SPOCK3: variants seen among roughly 807,000 people sequenced by gnomAD.
SPOCK3 encodes the protein SPARC (osteonectin), cwcv and kazal like domains proteoglycan 3, also known as testican-3.
In SPOCK3, 30 loss-of-function variants were observed where a neutral mutation model predicts 56.6. That is an observed-to-expected ratio of 0.53 (90% CI 0.40 to 0.72). SPOCK3 has a LOEUF of 0.72. SPOCK3 is among the 30% of genes least tolerant of loss of function. SPOCK3 has a pLI of 0.00. For missense variants in SPOCK3, 527 were observed against 530.0 expected (o/e 0.99, Z 0.06); for synonymous variants, 196 against 183.3 (o/e 1.07, Z -0.56).
intron 2 of SPOCK3, among the ~76,000 whole-genome samples, chr4:167,209,740 G>C (rs1734682940): frequency 6.6e-6 from 1 of 151,964 alleles, no homozygotes; most frequent in Admixed American, 6.6e-5. Context: ...TAGCAAATTG[G>C]GGACACTCAG....
chr4:166,993,286 C>CA (rs1747998328), intron 4 of SPOCK3, among the ~76,000 whole-genome samples: 2 of 151,774 alleles, frequency 1.3e-5, no homozygotes, highest in African/African-American at 4.8e-5. Context: ...TATGCTCACT[C>CA]AAAAAAAATT....
At chr4:167,085,941 T>C (rs1758157691) in intron 2 of SPOCK3, among the ~76,000 whole-genome samples, 1 of 152,194 alleles carries the variant, frequency 6.6e-6, no homozygotes, top group Admixed American at 6.6e-5. Context: ...ATTGTTGGGA[T>C]AAACTACCCA....
chr4:167,139,569 T>C (rs1471783909), intron 2 of SPOCK3, among the ~76,000 whole-genome samples: 2 of 152,068 alleles, frequency 1.3e-5, no homozygotes, highest in African/African-American at 2.4e-5. Context: ...TTTCAATATA[T>C]AAAAGTGCTT....
chr4:167,199,457 A>G (rs1320143500), intron 2 of SPOCK3, among the ~76,000 whole-genome samples: 1 of 152,000 alleles, frequency 6.6e-6, no homozygotes, highest in Non-Finnish European at 1.5e-5. Context: ...GTGCAAGAAC[A>G]AAGACTGGCC....
chr4:167,060,046 ATGCTAAATGACGAGTTAATGGG>A (rs1270685377), intron 3 of SPOCK3, among the ~76,000 whole-genome samples: 1 of 152,012 alleles, frequency 6.6e-6, no homozygotes, highest in African/African-American at 2.4e-5. Flanking sequence ...GATATACCTA[ATGCTAAATGACGAGTTAATGGG>A]TGCAGCACAC....
chr4:166,973,594 T>C (rs911904570), intron 4 of SPOCK3, among the ~76,000 whole-genome samples: 1 of 152,218 alleles, frequency 6.6e-6, no homozygotes, highest in East Asian at 1.9e-4. Flanking sequence ...ATATAATTAG[T>C]ATGAAATATA....
intron 5 of SPOCK3, among the ~76,000 whole-genome samples, chr4:166,910,371 T>C (rs1206291898): frequency 1.3e-5 from 2 of 152,134 alleles, no homozygotes; most frequent in African/African-American, 4.8e-5. Flanking sequence ...ATGGATTATC[T>C]ATAAGATTGG....
At chr4:166,827,444 G>A (rs547346309) in intron 6 of SPOCK3, among the ~76,000 whole-genome samples, 9 of 152,102 alleles carry the variant, frequency 5.9e-5, no homozygotes, top group Middle Eastern at 3.4e-3. Flanking sequence ...ATTGTTCATT[G>A]AGTTGAATAA....
At chr4:167,047,663 T>G (rs965489458) in intron 3 of SPOCK3, among the ~76,000 whole-genome samples, 1 of 152,224 alleles carries the variant, frequency 6.6e-6, no homozygotes, top group African/African-American at 2.4e-5. Flanking sequence ...TATAGGCATT[T>G]TAATATTTGT....
chr4:167,219,751 T>G (rs146429355), intron 2 of SPOCK3, among the ~76,000 whole-genome samples: 5 of 152,170 alleles, frequency 3.3e-5, no homozygotes, highest in Non-Finnish European at 7.4e-5. Flanking sequence ...AAGTTCTCTG[T>G]AATTTAAAAA....
chr4:167,045,052 T>C (rs1753591501), intron 3 of SPOCK3, among the ~76,000 whole-genome samples: 1 of 152,160 alleles, frequency 6.6e-6, no homozygotes, highest in African/African-American at 2.4e-5. Flanking sequence ...TTTTTCCTTG[T>C]AGTTCTCTCA....
At chr4:167,087,404 C>T (rs2150302793) in intron 2 of SPOCK3, among the ~76,000 whole-genome samples, 1 of 152,228 alleles carries the variant, frequency 6.6e-6, no homozygotes, top group African/African-American at 2.4e-5. Flanking sequence ...ATACAGAACG[C>T]AATTATTCTG....
chr4:166,892,800 A>G (rs187951685), intron 5 of SPOCK3, among the ~76,000 whole-genome samples: 1 of 152,212 alleles, frequency 6.6e-6, no homozygotes, highest in East Asian at 1.9e-4. Context: ...GACACTAGTC[A>G]CGGAAAGTTA....
chr4:167,112,634 C>A (rs1760998184), intron 2 of SPOCK3, among the ~76,000 whole-genome samples: 1 of 152,006 alleles, frequency 6.6e-6, no homozygotes, highest in Non-Finnish European at 1.5e-5. Flanking sequence ...TGTATTACTG[C>A]TTTAAAATTG....
intron 2 of SPOCK3, among the ~76,000 whole-genome samples, chr4:167,206,716 A>T (rs1371108996): frequency 6.6e-6 from 1 of 151,298 alleles, no homozygotes; most frequent in Non-Finnish European, 1.5e-5. Context: ...ACAGATACCA[A>T]TTTTTTTTTC....
intron 2 of SPOCK3, among the ~76,000 whole-genome samples, chr4:167,128,456 T>G (rs1177143204): frequency 6.6e-6 from 1 of 152,216 alleles, no homozygotes; most frequent in Non-Finnish European, 1.5e-5. Context: ...GGTCCTCATC[T>G]TCTTCTCAAT....
chr4:167,220,496 G>A (rs1358348321), intron 2 of SPOCK3, among the ~76,000 whole-genome samples: 1 of 148,808 alleles, frequency 6.7e-6, no homozygotes, highest in Non-Finnish European at 1.5e-5. Flanking sequence ...TCCCACCTCA[G>A]CCTCTTGAAT....
chr4:167,023,104 C>T (rs1751356656), intron 3 of SPOCK3, among the ~76,000 whole-genome samples: 1 of 151,756 alleles, frequency 6.6e-6, no homozygotes, highest in African/African-American at 2.4e-5. Flanking sequence ...TTCACTTAGT[C>T]AATGCGAGCT....
intron 3 of SPOCK3, among the ~76,000 whole-genome samples, chr4:167,057,077 C>G (rs1419295929): frequency 2.0e-5 from 3 of 152,190 alleles, no homozygotes; most frequent in Non-Finnish European, 4.4e-5. Flanking sequence ...ATCAGACTAA[C>G]AGCGGATCTC....
Sources: allele counts gnomAD v4.1 joint callset (sites outside exome capture counted in the v4.1 genomes callset), GRCh38; gene constraint gnomAD v4.1.1; transcripts MANE v1.5; gene names NCBI Gene and HGNC (gene_info 2026-07-23, HGNC 2026-07-21).